The following RAPGEF4 variants were observed in gnomAD, a reference collection of about 807,000 sequenced individuals.
RAPGEF4 encodes the protein RAP guanine-nucleotide-exchange factor (GEF) 4.
RAPGEF4 carries 66 observed loss-of-function variants against 147.9 expected under a neutral mutation model. The observed-to-expected ratio is 0.45, with a 90% CI of 0.37 to 0.55. The LOEUF is 0.55. RAPGEF4 is among the 20% of genes least tolerant of loss of function. The pLI is 0.00. For missense variants in RAPGEF4, 1,071 were observed against 1,257.3 expected, an observed-to-expected ratio of 0.85 and a Z score of 2.24; for synonymous variants, 419 against 442.7, an observed-to-expected ratio of 0.95 and a Z score of 0.67.
intron 4 of RAPGEF4, among the ~76,000 whole-genome samples, chr2:172,822,185 C>T (rs183305401): frequency 9.5e-4 from 145 of 152,144 alleles, no homozygotes; most frequent in African/African-American, 3.3e-3. Context: ...AGTGGTGGCT[C>T]ATCTTTCTGC....
chr2:172,811,505 C>T (rs1315840088), intron 3 of RAPGEF4, among the ~76,000 whole-genome samples: 1 of 152,240 alleles, frequency 6.6e-6, no homozygotes, highest in African/African-American at 2.4e-5. Flanking sequence ...GAATATTAAT[C>T]TGCAAATGAG....
intron 6 of RAPGEF4, among the ~76,000 whole-genome samples, chr2:172,960,491 A>T (rs1014597223): frequency 6.6e-6 from 1 of 152,084 alleles, no homozygotes; most frequent in Non-Finnish European, 1.5e-5. Flanking sequence ...TCCTCTTCTC[A>T]TGAAGCCTAC....
chr2:172,901,374 C>A (rs72908256), intron 4 of RAPGEF4, among the ~76,000 whole-genome samples: 2,396 of 152,278 alleles, frequency 0.016, 24 homozygotes, highest in South Asian at 0.036. Flanking sequence ...CCTGTCCCTT[C>A]TCTTAAAGCA....
At chr2:172,965,419 C>T (rs2105492705) in intron 8 of RAPGEF4, 143 bp from the exon 9 acceptor site, 2 of 905,148 alleles carry the variant, frequency 2.2e-6, no homozygotes, top group Non-Finnish European at 3.5e-6. Flanking sequence ...GAAGCTACCG[C>T]GTGTGGTGCT....
At chr2:172,944,012 A>G (rs1341653346) in intron 6 of RAPGEF4, among the ~76,000 whole-genome samples, 1 of 152,230 alleles carries the variant, frequency 6.6e-6, no homozygotes, top group East Asian at 1.9e-4. Context: ...GCAAACAGTC[A>G]GTCACCTAAG....
At chr2:172,745,310 A>G (rs112468524) in intron 1 of RAPGEF4, among the ~76,000 whole-genome samples, 2 of 152,192 alleles carry the variant, frequency 1.3e-5, no homozygotes, top group Non-Finnish European at 2.9e-5. Context: ...TTTTATAGTT[A>G]TTTCAAGGAG....
At chr2:173,038,765 T>A (rs1449930562) in intron 29 of RAPGEF4, among the ~76,000 whole-genome samples, 2 of 152,046 alleles carry the variant, frequency 1.3e-5, no homozygotes, top group Non-Finnish European at 2.9e-5. Context: ...ATAAAATAAA[T>A]TTTTAAAAAT....
chr2:172,840,056 A>G (rs1691411890), intron 4 of RAPGEF4, among the ~76,000 whole-genome samples: 1 of 152,204 alleles, frequency 6.6e-6, no homozygotes, highest in Admixed American at 6.5e-5. Flanking sequence ...TTCATCTCTA[A>G]TTCAAAGCTT....
At chr2:172,813,872 T>A (rs1324145300) in intron 3 of RAPGEF4, among the ~76,000 whole-genome samples, 6 of 152,182 alleles carry the variant, frequency 3.9e-5, no homozygotes. Context: ...TATGGGAAAC[T>A]ACTCATGAAT....
intron 4 of RAPGEF4, among the ~76,000 whole-genome samples, chr2:172,914,640 T>G (rs1683849714): frequency 7.1e-6 from 1 of 141,064 alleles, no homozygotes; most frequent in African/African-American, 2.5e-5. Flanking sequence ...AAGAAAGAAA[T>G]ATAGAAAGAA....
intron 23 of RAPGEF4, among the ~76,000 whole-genome samples, chr2:173,022,410 T>C (rs1696192926): frequency 1.3e-5 from 2 of 152,226 alleles, no homozygotes; most frequent in Admixed American, 1.3e-4. Context: ...CTATCAGCGC[T>C]CTGCCATTCA....
chr2:172,950,804 G>A (rs566617460), intron 6 of RAPGEF4, among the ~76,000 whole-genome samples: 10 of 152,208 alleles, frequency 6.6e-5, no homozygotes, highest in Non-Finnish European at 1.5e-4. Flanking sequence ...GGCTTATTTA[G>A]ATAACATAAA....
At chr2:173,041,072 G>A (rs1167747803) in intron 29 of RAPGEF4, among the ~76,000 whole-genome samples, 2 of 152,062 alleles carry the variant, frequency 1.3e-5, no homozygotes, top group Non-Finnish European at 2.9e-5. Context: ...GAGAAGCATA[G>A]GGCAAACTTT....
At chr2:172,988,082 C>T (rs1692458403) in intron 12 of RAPGEF4, 114 bp from the exon 13 acceptor site, 10 of 1,376,016 alleles carry the variant, frequency 7.3e-6, no homozygotes, top group East Asian at 2.7e-5. Context: ...TGATGTTTCT[C>T]GAATTTTACG....
chr2:172,827,957 T>G (rs1411888872), intron 4 of RAPGEF4, among the ~76,000 whole-genome samples: 1 of 152,152 alleles, frequency 6.6e-6, no homozygotes. Flanking sequence ...TTACATCCTT[T>G]TCTAGTTGTA....
At chr2:172,996,666 G>C in intron 16 of RAPGEF4, 112 bp downstream of exon 16, 1 of 716,814 alleles carries the variant, frequency 1.4e-6, no homozygotes, top group Non-Finnish European at 2.3e-6. Flanking sequence ...AGGGGATTCT[G>C]TGTATTGATA....
intron 21 of RAPGEF4, among the ~76,000 whole-genome samples, chr2:173,018,323 T>G (rs907872860): frequency 3.3e-5 from 5 of 152,214 alleles, no homozygotes; most frequent in African/African-American, 1.2e-4. Context: ...GTAGCAGTGA[T>G]CTGTGAATTG....
intron 11 of RAPGEF4, 69 bp downstream of exon 11, chr2:172,983,649 G>A (rs759034858): frequency 2.5e-6 from 4 of 1,571,622 alleles, no homozygotes; most frequent in South Asian, 1.2e-5. Context: ...ACAGAGGAGA[G>A]TATTACGGTG....
chr2:172,789,089 C>T (rs1438912928), intron 1 of RAPGEF4, among the ~76,000 whole-genome samples: 1 of 152,188 alleles, frequency 6.6e-6, no homozygotes, highest in Non-Finnish European at 1.5e-5. Flanking sequence ...CTCAGAGGCC[C>T]TCAGGCAACC....
Sources: allele counts gnomAD v4.1 joint callset (sites outside exome capture counted in the v4.1 genomes callset), GRCh38; gene constraint gnomAD v4.1.1; transcripts MANE v1.5; gene names NCBI Gene and HGNC (gene_info 2026-07-23, HGNC 2026-07-21).